The following PHLDB3 variants were observed in gnomAD, a reference collection of about 807,000 sequenced individuals.
PHLDB3 encodes pleckstrin homology-like domain family B member 3.
PHLDB3 carries 86 observed loss-of-function variants against 85.7 expected under a neutral mutation model. The ratio of observed to expected loss-of-function variants is 1.00; its 90% CI spans 0.84 to 1.20. The LOEUF (loss-of-function observed/expected upper bound fraction) is 1.20. Ranked by LOEUF, PHLDB3 falls within the 50% of genes most tolerant of loss-of-function variation. The probability of loss-of-function intolerance (pLI) is 0.00; values close to 1 mark genes in which losing one functional copy is unlikely to be tolerated. For missense variants in PHLDB3, 995 were observed against 873.0 expected (o/e 1.14, Z -1.76); for synonymous variants, 376 against 349.8 (o/e 1.07, Z -0.83).
At chr19:43,479,012 C>A (rs1190272569) in intron 14 of PHLDB3, among the ~76,000 whole-genome samples, 1 of 152,190 alleles carries the variant, frequency 6.6e-6, no homozygotes, top group East Asian at 1.9e-4. Flanking sequence ...GCCCCAGACT[C>A]CTGGCCATTG....
At position 43,497,856 on chromosome 19, in the gene PHLDB3, C is replaced by G. The variant is rs1436611660; in HGVS notation, c.555G>C (p.Gln185His). 1 of 1,586,014 alleles carries G rather than the reference C, an allele frequency of 6.3e-7. No individual in the cohort carries two copies. The highest frequency in any genetic ancestry group is 8.6e-7 in the Non-Finnish European group (1 of 1,166,708). Residue 185 changes from glutamine to histidine, a missense_variant, in exon 5 of 16, where the codon CAG (glutamine) becomes CAC (histidine). Transcript: ENST00000292140. Reference sequence around the variant, plus strand: ...GAAGACCCTCTAGGCGATCCCGTTCCTGGCTCAGCCGCCTCTGTTCCTGAA... The same window carrying G: ...GAAGACCCTCTAGGCGATCCCGTTCGTGGCTCAGCCGCCTCTGTTCCTGAA... ...QREQEQRRLS[Q>H]ERDRLEGLRQ...
Position 43,486,815 on chromosome 19 carries a change from G to A in PHLDB3, c.1305C>T (p.Pro435=), listed in dbSNP as rs769124874. ...GGCCACAGTTCAGCAGCTGGTAGAGGGGGTATCTGCCGGAGTCCCCCACTG... is the reference window on the plus strand; with the variant it reads ...GGCCACAGTTCAGCAGCTGGTAGAGAGGGTATCTGCCGGAGTCCCCCACTG... ...PPAVGDSGRY[P]LYQLLNCGRG... Residue 435 remains proline (P), a synonymous_variant, in exon 11 of 16, where the codon CCC becomes CCT. Transcript: ENST00000292140. 2.5e-6 allele frequency: 4 copies of A among 1,592,112 alleles called. No individual in the cohort carries two copies. The Admixed American group carries it at 5.1e-5, about 20-fold the overall frequency.
chr19:43,487,568 C>CT (rs1479405579), intron 9 of PHLDB3, among the ~76,000 whole-genome samples: 1 of 27,438 alleles, frequency 3.6e-5, no homozygotes, highest in Non-Finnish European at 8.2e-5. Flanking sequence ...GAGCAAGACT[C>CT]TGTCTCAAAA....
chr19:43,501,576 G>T, intron 4 of PHLDB3, 158 bp downstream of exon 4: 2 of 1,371,722 alleles, frequency 1.5e-6, no homozygotes, highest in Non-Finnish European at 1.9e-6. Flanking sequence ...GAGGGAGAAG[G>T]AAAACCAGGA....
intron 14 of PHLDB3, among the ~76,000 whole-genome samples, chr19:43,479,022 G>C (rs1006855469): frequency 6.6e-6 from 1 of 152,154 alleles, no homozygotes; most frequent in Non-Finnish European, 1.5e-5. Context: ...CCTGGCCATT[G>C]GGGGGCTGGG....
intron 9 of PHLDB3, among the ~76,000 whole-genome samples, chr19:43,489,823 A>G (rs1275203217): frequency 1.3e-5 from 2 of 152,094 alleles, no homozygotes; most frequent in East Asian, 3.9e-4. Context: ...CCTGGCCAAC[A>G]TGGTGAAACC....
At chr19:43,496,791 A>T in intron 6 of PHLDB3, 1 of 376,038 alleles carries the variant, frequency 2.7e-6, no homozygotes, top group Non-Finnish European at 4.7e-6. Context: ...AAAATAAAAA[A>T]ATCCTGGCTC....
chr19:43,486,343 A>G (rs372362572), intron 12 of PHLDB3, 21 bp from the exon 13 acceptor site: 2 of 1,597,194 alleles, frequency 1.3e-6, no homozygotes, highest in Non-Finnish European at 1.7e-6. Flanking sequence ...AGGATGAAGC[A>G]CTCAATGAGG....
chr19:43,477,568 G>C (rs867347469), intron 15 of PHLDB3, among the ~76,000 whole-genome samples: 35 of 149,234 alleles, frequency 2.3e-4, no homozygotes, highest in African/African-American at 7.8e-4. Flanking sequence ...TGTAATCCCA[G>C]AACTTTGAGA....
At chr19:43,486,991 T>G in intron 10 of PHLDB3, 33 bp downstream of exon 10, 1 of 1,508,766 alleles carries the variant, frequency 6.6e-7, no homozygotes. Flanking sequence ...AGTGCTGATG[T>G]GGGAAGGAAG....
At chr19:43,488,010 C>T (rs1971222830) in intron 9 of PHLDB3, among the ~76,000 whole-genome samples, 1 of 151,908 alleles carries the variant, frequency 6.6e-6, no homozygotes, top group African/African-American at 2.4e-5. Context: ...AAAAATTAGC[C>T]AGGTGTGGTG....
intron 2 of PHLDB3, among the ~76,000 whole-genome samples, chr19:43,502,911 C>T (rs1971649728): frequency 1.3e-5 from 2 of 152,152 alleles, no homozygotes; most frequent in South Asian, 4.1e-4. Context: ...AGGTCCTATT[C>T]TCTTGGCGTC....
chr19:43,496,994 T>C, intron 6 of PHLDB3, 124 bp downstream of exon 6: 1 of 1,255,108 alleles, frequency 8.0e-7, no homozygotes, highest in East Asian at 2.8e-5. Context: ...TAGTATCAGC[T>C]CTTGTTGTTA....
At chr19:43,479,983 A>T (rs1240644825) in intron 13 of PHLDB3, among the ~76,000 whole-genome samples, 1 of 151,908 alleles carries the variant, frequency 6.6e-6, no homozygotes, top group Non-Finnish European at 1.5e-5. Flanking sequence ...AGAAATAAAG[A>T]TCGGGCCGGG....
rs377683896 is a variant in PHLDB3 at position 43,504,123 on chromosome 19, G to T, written c.-5C>A. Reference sequence around the variant, plus strand: ...GGGGCTGCTTCGCGTCCCCATGGCCGCTGGGACTCCTGCGGGGTGGGCGGG... The same window carrying T: ...GGGGCTGCTTCGCGTCCCCATGGCCTCTGGGACTCCTGCGGGGTGGGCGGG... On this transcript the variant is annotated 5_prime_UTR_variant, in exon 2 of 16. Transcript: ENST00000292140. 12 of 1,588,990 alleles carry T rather than the reference G, an allele frequency of 7.6e-6. No individual in the cohort carries two copies. Among genetic ancestry groups the T allele is most frequent in the African/African-American group, 4.0e-5 (3 of 74,240 alleles).
At chr19:43,494,340 C>G (rs112530897) in intron 9 of PHLDB3, among the ~76,000 whole-genome samples, 3,669 of 151,790 alleles carry the variant, frequency 0.024, 174 homozygotes, top group African/African-American at 0.084. Flanking sequence ...GCTGCCCCCC[C>G]ACCACCCCCG....
chr19:43,498,772 ACAAT>A (rs1971525274), intron 4 of PHLDB3, among the ~76,000 whole-genome samples: 1 of 152,146 alleles, frequency 6.6e-6, no homozygotes, highest in African/African-American at 2.4e-5. Flanking sequence ...ACAAAACAAA[ACAAT>A]CAGGGAGCAT....
intron 13 of PHLDB3, 120 bp from the exon 14 acceptor site, chr19:43,479,713 G>A (rs1971004353): frequency 3.0e-6 from 2 of 677,260 alleles, no homozygotes; most frequent in Admixed American, 4.9e-5. Context: ...CCTTTAGAGG[G>A]TAATATTAAC....
At chr19:43,482,419 C>G (rs535985655) in intron 13 of PHLDB3, among the ~76,000 whole-genome samples, 1 of 152,164 alleles carries the variant, frequency 6.6e-6, no homozygotes, top group Non-Finnish European at 1.5e-5. Context: ...CACTTGCTCA[C>G]GTGCACAAAA....
Sources: gnomAD v4.1 joint callset for allele counts (sites outside exome capture counted in the v4.1 genomes callset) on GRCh38, gnomAD v4.1.1 for gene constraint, MANE v1.5 for transcripts, NCBI Gene and HGNC (gene_info 2026-07-23, HGNC 2026-07-21) for gene names.